INSL6: variants seen among roughly 807,000 people sequenced by gnomAD.
The protein encoded by INSL6 is insulin like 6, also known as insulin-like peptide INSL6.
INSL6 carries 16 observed loss-of-function variants against 9.4 expected under a neutral mutation model. The observed-to-expected ratio is 1.70, with a 90% confidence interval of 1.15 to 2.59. INSL6 has a LOEUF of 2.59. INSL6 is among the 30% of genes most tolerant of loss of function. The probability of loss-of-function intolerance (pLI) is 0.00; values close to 1 mark genes in which losing one functional copy is unlikely to be tolerated. For missense variants in INSL6, 391 were observed against 257.3 expected (o/e 1.52, Z -3.56); for synonymous variants, 154 against 96.9 (o/e 1.59, Z -3.46).
chr9:5,080,714 C>CAATAA, the INSL6 span: 1 of 1,457,740 alleles, frequency 6.9e-7, no homozygotes, highest in East Asian at 2.4e-5. Context: ...ATTGATTTTC[C>CAATAA]AGCTTTCTAT....
chr9:5,058,425 A>C, the INSL6 span, among the ~76,000 whole-genome samples: 1 of 152,072 alleles, frequency 6.6e-6, no homozygotes, highest in South Asian at 2.1e-4. Context: ...ATCTCATGAG[A>C]ACTCCCTCAC....
the INSL6 span, chr9:5,085,610 A>G: frequency 1.4e-6 from 1 of 700,004 alleles, no homozygotes; most frequent in Non-Finnish European, 2.7e-6. Flanking sequence ...GAAAGAATTA[A>G]ATCTCCAGCA....
the INSL6 span, among the ~76,000 whole-genome samples, chr9:5,022,663 T>C: frequency 3.3e-5 from 5 of 152,232 alleles, no homozygotes; most frequent in African/African-American, 1.2e-4. Context: ...CTCATATATA[T>C]TTCTTATGTC....
At chr9:5,042,754 A>G in the INSL6 span, among the ~76,000 whole-genome samples, 1 of 152,180 alleles carries the variant, frequency 6.6e-6, no homozygotes, top group African/African-American at 2.4e-5. Context: ...CATTGCTGCC[A>G]GGGGTGAGGC....
the INSL6 span, among the ~76,000 whole-genome samples, chr9:5,018,802 G>GT: frequency 9.2e-5 from 14 of 152,122 alleles, no homozygotes; most frequent in Admixed American, 3.3e-4. Flanking sequence ...TGACTTGCAG[G>GT]TTTTTTTCTT....
At chr9:5,125,528 AAAGTAT>A (rs1360575399) in intron 3 of INSL6, among the ~76,000 whole-genome samples, 2 of 151,528 alleles carry the variant, frequency 1.3e-5, no homozygotes, top group Non-Finnish European at 3.0e-5. Context: ...TCTTAGAATA[AAAGTAT>A]AAGTAAAAGT....
At chr9:5,160,915 C>T (rs769685352), downstream of INSL6, among the ~76,000 whole-genome samples, 6 of 152,030 alleles carry the variant, frequency 3.9e-5, no homozygotes, top group African/African-American at 1.4e-4. Flanking sequence ...TGTGAATAGA[C>T]CAGTAACATG....
At chr9:5,093,494 TG>T in the INSL6 span, among the ~76,000 whole-genome samples, 1 of 152,126 alleles carries the variant, frequency 6.6e-6, no homozygotes, top group African/African-American at 2.4e-5. Flanking sequence ...GACCTATTGG[TG>T]AAGAGGAGCT....
chr9:5,096,794 A>T, the INSL6 span: 1 of 152,166 alleles, frequency 6.6e-6, no homozygotes, highest in Non-Finnish European at 1.5e-5. Context: ...AATTAGGTCA[A>T]CCAGGAACTC....
At chr9:5,119,657 T>C (rs1206390844), downstream of INSL6, among the ~76,000 whole-genome samples, 1 of 152,188 alleles carries the variant, frequency 6.6e-6, no homozygotes, top group African/African-American at 2.4e-5. Flanking sequence ...ATATGGTACA[T>C]GGCATGGTCA....
chr9:5,020,696 T>C, the INSL6 span, among the ~76,000 whole-genome samples: 3 of 152,270 alleles, frequency 2.0e-5, no homozygotes, highest in Admixed American at 6.5e-5. Flanking sequence ...GTGGTAGAGC[T>C]TGTCCTCAGG....
the INSL6 span, among the ~76,000 whole-genome samples, chr9:5,090,019 CTA>C: frequency 4.6e-5 from 7 of 152,304 alleles, no homozygotes; most frequent in East Asian, 3.9e-4. Flanking sequence ...TGATCATAGA[CTA>C]TAACTATAGG....
chr9:5,177,460 G>A (rs186183085), intron 1 of INSL6, among the ~76,000 whole-genome samples: 37 of 152,286 alleles, frequency 2.4e-4, no homozygotes, highest in African/African-American at 7.5e-4. Context: ...CCTTGGGTTC[G>A]ACACACAGAG....
the INSL6 span, among the ~76,000 whole-genome samples, chr9:5,004,759 G>A: frequency 1.3e-5 from 2 of 151,920 alleles, no homozygotes; most frequent in Non-Finnish European, 2.9e-5. Flanking sequence ...GTATACAAGA[G>A]TTTCTTTTTC....
chr9:5,165,981 C>A (rs561971939), intron 1 of INSL6, among the ~76,000 whole-genome samples: 283 of 152,320 alleles, frequency 1.9e-3, no homozygotes, highest in Non-Finnish European at 1.5e-3. Flanking sequence ...CAAAAGAAAC[C>A]AATCTGTCAC....
the INSL6 span, chr9:5,069,851 A>G: frequency 1.0e-6 from 1 of 958,952 alleles, no homozygotes; most frequent in Non-Finnish European, 1.5e-6. Context: ...AACACATTTC[A>G]TTTTACTCCT....
the INSL6 span, among the ~76,000 whole-genome samples, chr9:5,029,063 A>C: frequency 1.3e-5 from 2 of 152,212 alleles, no homozygotes; most frequent in Admixed American, 1.3e-4. Context: ...GGCTTTTAAT[A>C]ATACCTTCCT....
At chr9:5,125,561 ATTT>A (rs931265832) in intron 3 of INSL6, among the ~76,000 whole-genome samples, 2 of 151,510 alleles carry the variant, frequency 1.3e-5, no homozygotes, top group African/African-American at 4.8e-5. Context: ...CTATTTTAAA[ATTT>A]TTTTAATTTC....
chr9:5,180,093 G>A (rs1420472844), intron 1 of INSL6, among the ~76,000 whole-genome samples: 1 of 152,198 alleles, frequency 6.6e-6, no homozygotes, highest in Non-Finnish European at 1.5e-5. Flanking sequence ...GGGACCGGCT[G>A]GAGCCATGGC....
Sources: allele counts gnomAD v4.1 joint callset (sites outside exome capture counted in the v4.1 genomes callset), GRCh38; gene constraint gnomAD v4.1.1; transcripts MANE v1.5; gene names NCBI Gene and HGNC (gene_info 2026-07-23, HGNC 2026-07-21).